The following DNAJC15 variants were observed in gnomAD, a reference collection of about 807,000 sequenced individuals.
DNAJC15 encodes the protein DnaJ heat shock protein family (Hsp40) member C15.
Under a neutral mutation model 22.4 loss-of-function variants are expected in DNAJC15, and 27 were observed. That is an observed-to-expected ratio of 1.20 (90% CI 0.89 to 1.66). The LOEUF is 1.66. Among genes scored for constraint, DNAJC15 ranks in the 40% most tolerant of loss-of-function variants. The pLI, the probability that DNAJC15 is intolerant of heterozygous loss-of-function variation, is 0.00. For synonymous variants in DNAJC15, 79 were observed against 63.2 expected, an observed-to-expected ratio of 1.25 and a Z score of -1.19; for missense variants, 208 against 187.1, an observed-to-expected ratio of 1.11 and a Z score of -0.65.
rs17064181 is a variant in DNAJC15, at chr13:43,107,399, G to A, written c.*151G>A. ...CCATTAAGCTGTATAACAATAAAATGTTAATAGTCTTGCTTTTTATTATCT... is the reference window on the plus strand; with the variant it reads ...CCATTAAGCTGTATAACAATAAAATATTAATAGTCTTGCTTTTTATTATCT... On this transcript the variant is annotated 3_prime_UTR_variant, in exon 6 of 6. Coordinates refer to ENST00000379221, the MANE Select transcript of DNAJC15 (RefSeq NM_013238.3). 0.013 allele frequency: 6,313 copies of A among 493,156 alleles called. 283 individuals carry two copies. The highest frequency in any genetic ancestry group is 0.12 in the East Asian group (3,370 of 27,412). The allele number at this position is 493,156 out of a possible 1,614,324, so 30.5% of individuals were successfully genotyped here.
chr13:43,090,893 A>G (rs1457647644), intron 5 of DNAJC15, among the ~76,000 whole-genome samples: 1 of 150,986 alleles, frequency 6.6e-6, no homozygotes, highest in Non-Finnish European at 1.5e-5. Context: ...TATTTTTAGT[A>G]GAGATGGGGT....
intron 3 of DNAJC15, among the ~76,000 whole-genome samples, chr13:43,075,133 T>C: frequency 6.6e-6 from 1 of 152,186 alleles, no homozygotes; most frequent in East Asian, 1.9e-4. Flanking sequence ...CAGCCCCACA[T>C]GTTAAGTCTC....
chr13:43,088,853 TTG>T lies in DNAJC15; in HGVS notation c.382+3016_382+3017del, dbSNP rs1346461592. 5.3e-5 allele frequency among the ~76,000 whole-genome samples: 8 copies of T among 151,468 alleles called. No homozygotes were observed. The East Asian group carries it at 1.6e-3, about 30-fold the overall frequency. On this transcript the variant is annotated intron_variant, in intron 5 of 5. Coordinates refer to ENST00000379221, the MANE Select transcript of DNAJC15 (RefSeq NM_013238.3). ...TAATTAACTTGGTTTTTTTTTTTTT[TTG>T]ATAGATTTACTGGACTGTTTGTTTT...
rs553892659 is a variant in DNAJC15, at chr13:43,071,103, C to G, written c.234+2100C>G. Among the ~76,000 whole-genome samples the G allele has an allele frequency of 3.3e-5, 5 of 152,002 alleles. No individual in the cohort carries two copies. In the East Asian group the frequency reaches 9.6e-4, roughly 29 times the overall value. The stretch of plus-strand genomic sequence containing the variant: ...TCAATATAGTGTAAATAGAAAATTA[C>G]CAAGCTGTGCAAAACTACATTATTT... On this transcript the variant is annotated intron_variant, in intron 3 of 5. Coordinates refer to ENST00000379221, the MANE Select transcript of DNAJC15 (RefSeq NM_013238.3).
rs2040826968 is a variant in DNAJC15, at chr13:43,111,964, T to A, written c.*4716T>A. On this transcript the variant is annotated 3_prime_UTR_variant, in exon 6 of 6. Coordinates refer to ENST00000379221, the MANE Select transcript of DNAJC15 (RefSeq NM_013238.3). ...GAGATGAGGACTTCTGTTAGCATAA[T>A]TTATTAGCTGGAAAAGTTGAGAAGG... The A allele has an allele frequency of 6.6e-6, 1 of 152,252 alleles. No individual in the cohort carries two copies. The highest frequency in any genetic ancestry group is 2.4e-5 in the African/African-American group (1 of 41,472). 9.4% of individuals were successfully genotyped at this position (152,252 alleles called of 1,614,324 possible).
chr13:43,104,565 C>A (rs1194502500), intron 5 of DNAJC15, among the ~76,000 whole-genome samples: 1 of 152,042 alleles, frequency 6.6e-6, no homozygotes, highest in Non-Finnish European at 1.5e-5. Context: ...GGTAGAAGTA[C>A]AAAGATACAG....
Position 43,096,048 on chromosome 13 carries a change from T to A in DNAJC15, c.382+10210T>A, listed in dbSNP as rs192290273. Among the ~76,000 whole-genome samples, 14 of 152,266 alleles carry A rather than the reference T, an allele frequency of 9.2e-5. No individual in the cohort carries two copies. The East Asian group carries it at 2.7e-3, about 29-fold the overall frequency. On this transcript the variant is annotated intron_variant, in intron 5 of 5. Transcript: ENST00000379221. ...TACTTTTTTTTTTAATTATAAAAGC[T>A]TGTTGAGTAATTTTTAGCAGGTTTG... is the stretch of plus-strand genomic sequence containing the variant.
rs57085120 is a variant in DNAJC15 at position 43,107,524 on chromosome 13, T to TACACACAC, written c.*301_*308dup. 0.085 allele frequency: 13,682 copies of TACACACAC among 161,552 alleles called. 717 individuals carry two copies. The highest frequency in any genetic ancestry group is 0.13 in the Middle Eastern group (45 of 352). The allele number at this position is 161,552 out of a possible 1,614,324, so 10.0% of individuals were successfully genotyped here. A position where few individuals can be genotyped will look rare whatever the true frequency, so the allele number is the denominator to read the frequency against. On this transcript the variant is annotated 3_prime_UTR_variant, in exon 6 of 6. Transcript: ENST00000379221. The stretch of plus-strand genomic sequence containing the variant: ...TTTTGTTATGTTCTGAATTCCCCCC[T>TACACACAC]ACACACACACACACACACACACACA...
intron 1 of DNAJC15, among the ~76,000 whole-genome samples, chr13:43,045,236 TCTTG>T (rs1187718401): frequency 3.3e-5 from 5 of 152,208 alleles, no homozygotes; most frequent in African/African-American, 1.2e-4. Flanking sequence ...GAATCCTTTT[TCTTG>T]CTTTAATTTT....
intron 5 of DNAJC15, among the ~76,000 whole-genome samples, chr13:43,093,404 A>C (rs760784360): frequency 3.9e-5 from 6 of 151,914 alleles, no homozygotes; most frequent in African/African-American, 9.7e-5. Context: ...TTTTCTTTTT[A>C]TTTTTCTTTT....
chr13:43,078,584 G>A (rs1304659387), intron 3 of DNAJC15, 28 bp from the exon 4 acceptor site: 52 of 1,598,232 alleles, frequency 3.3e-5, no homozygotes, highest in Non-Finnish European at 4.3e-5. Flanking sequence ...TGGAACTAAT[G>A]ATTTCTTGCT....
chr13:43,034,305 CTTTTTTTTT>C (rs753362468), intron 1 of DNAJC15, among the ~76,000 whole-genome samples: 5 of 60,618 alleles, frequency 8.2e-5, no homozygotes, highest in Non-Finnish European at 1.2e-4. Flanking sequence ...GAGATTTGTC[CTTTTTTTTT>C]TTTTTTTTTT....
At chr13:43,079,014 A>T (rs572509575) in intron 4 of DNAJC15, 4 of 171,408 alleles carry the variant, frequency 2.3e-5, no homozygotes, top group African/African-American at 9.5e-5. Flanking sequence ...TTATAATTTG[A>T]TATCATATTG....
rs2040808413 is a variant in DNAJC15 at position 43,108,362 on chromosome 13, AC to A, written c.*1115del. On this transcript the variant is annotated 3_prime_UTR_variant, in exon 6 of 6. Coordinates refer to ENST00000379221, the MANE Select transcript of DNAJC15 (RefSeq NM_013238.3). ...TCATCAAAGGCCAGCCCTGTGACTTACACTGCATTAAATTAATTTCTTAGAA... is the reference window on the plus strand; with the variant it reads ...TCATCAAAGGCCAGCCCTGTGACTTAACTGCATTAAATTAATTTCTTAGAA... 6.6e-6 allele frequency: 1 copy of A among 152,216 alleles called. No homozygotes were observed. Among genetic ancestry groups the A allele is most frequent in the Non-Finnish European group, 1.5e-5 (1 of 68,028 alleles). The allele number at this position is 152,216 out of a possible 1,614,324, so 9.4% of individuals were successfully genotyped here. A position where few individuals can be genotyped will look rare whatever the true frequency, so the allele number is the denominator to read the frequency against.
intron 1 of DNAJC15, among the ~76,000 whole-genome samples, chr13:43,044,910 T>G (rs987180716): frequency 6.6e-6 from 1 of 152,160 alleles, no homozygotes; most frequent in South Asian, 2.1e-4. Flanking sequence ...CCCATGCCTC[T>G]GCTTTTCATC....
intron 1 of DNAJC15, among the ~76,000 whole-genome samples, chr13:43,037,587 A>C (rs73473957): frequency 6.6e-6 from 1 of 152,042 alleles, no homozygotes; most frequent in African/African-American, 2.4e-5. Flanking sequence ...ACCAGGTGAG[A>C]TCTTCCTTTT....
chr13:43,048,343 T>C (rs1293449330), intron 1 of DNAJC15, among the ~76,000 whole-genome samples: 2 of 103,170 alleles, frequency 1.9e-5, no homozygotes, highest in Non-Finnish European at 4.3e-5. Flanking sequence ...AAAAAAAAAA[T>C]TACCCGGGTA....
rs2040822611 is a variant in DNAJC15 at position 43,111,082 on chromosome 13, A to G, written c.*3834A>G. The G allele has an allele frequency of 6.6e-6, 1 of 152,228 alleles. No individual in the cohort carries two copies. Among genetic ancestry groups the G allele is most frequent in the African/African-American group, 2.4e-5 (1 of 41,460 alleles). The allele number at this position is 152,228 out of a possible 1,614,324, so 9.4% of individuals were successfully genotyped here. ...GTCAAGGACAGTTAATTCAAGGGGA[A>G]CATAGAAAGCTATTTAGATTTTAGT... On this transcript the variant is annotated 3_prime_UTR_variant, in exon 6 of 6. Coordinates refer to ENST00000379221, the MANE Select transcript of DNAJC15 (RefSeq NM_013238.3).
rs376668006 is a variant in DNAJC15 at position 43,078,656 on chromosome 13, T to C, written c.279T>C (p.Ser93=). ...YYKGGFEQKM[S]RREAGLILGV... ...AAGGAGGATTTGAACAGAAAATGAG[T>C]AGGCGAGAAGCTGGTCTTATTTTAG... is the stretch of plus-strand genomic sequence containing the variant. The change falls in exon 4 of 6, where the codon AGT becomes AGC. Residue 93 remains serine, a synonymous_variant. Transcript: ENST00000379221. 1.8e-5 allele frequency: 29 copies of C among 1,613,538 alleles called. No individual in the cohort carries two copies. The highest frequency in any genetic ancestry group is 2.2e-5 in the Non-Finnish European group (26 of 1,179,708).
Sources: gnomAD v4.1 joint callset for allele counts (sites outside exome capture counted in the v4.1 genomes callset) on GRCh38, gnomAD v4.1.1 for gene constraint, MANE v1.5 for transcripts, NCBI Gene and HGNC (gene_info 2026-07-23, HGNC 2026-07-21) for gene names.